The following DUSP22 variants were observed in gnomAD, a reference collection of about 807,000 sequenced individuals.
DUSP22 encodes the protein dual specificity phosphatase 22.
A neutral mutation model predicts 24.5 loss-of-function variants in DUSP22; 24 were observed. The ratio of observed to expected loss-of-function variants is 0.98; its 90% CI spans 0.71 to 1.38. The LOEUF is 1.38. DUSP22 is among the 40% of genes most tolerant of loss of function. DUSP22 has a pLI of 0.00. For missense variants in DUSP22, 330 were observed against 269.2 expected, an observed-to-expected ratio of 1.23 and a Z score of -1.58; for synonymous variants, 160 against 106.4, an observed-to-expected ratio of 1.50 and a Z score of -3.10.
intron 2 of DUSP22, among the ~76,000 whole-genome samples, chr6:308,935 C>T (rs1277314377): frequency 6.6e-6 from 1 of 152,306 alleles, no homozygotes; most frequent in Non-Finnish European, 1.5e-5. Flanking sequence ...CCCGCCTCTA[C>T]TGGGTCCTCG....
At chr6:323,759 G>A (rs1233036775) in intron 3 of DUSP22, among the ~76,000 whole-genome samples, 1 of 152,310 alleles carries the variant, frequency 6.6e-6, no homozygotes, top group African/African-American at 2.4e-5. Context: ...CCTAAGCAGA[G>A]GAGTTCAAGG....
intron 3 of DUSP22, among the ~76,000 whole-genome samples, chr6:318,888 G>A (rs932839675): frequency 7.2e-5 from 11 of 152,306 alleles, no homozygotes; most frequent in Admixed American, 1.3e-4. Flanking sequence ...AAAGGAAGAC[G>A]TCTGTGTGTT....
intron 3 of DUSP22, 57 bp from the exon 4 acceptor site, chr6:335,057 T>C: frequency 6.3e-7 from 1 of 1,576,212 alleles, no homozygotes; most frequent in Non-Finnish European, 8.7e-7. Context: ...TTAAATACTT[T>C]TCTCCACTGA....
chr6:328,657 T>C (rs1759000391), intron 3 of DUSP22, among the ~76,000 whole-genome samples: 3 of 152,302 alleles, frequency 2.0e-5, no homozygotes, highest in Admixed American at 6.5e-5. Flanking sequence ...ATTTAGCTGA[T>C]GCAGGAAGAA....
At chr6:295,430 A>T (rs370422093) in intron 1 of DUSP22, among the ~76,000 whole-genome samples, 17 of 152,272 alleles carry the variant, frequency 1.1e-4, no homozygotes, top group Non-Finnish European at 2.1e-4. Context: ...CAGATTATAC[A>T]GAAGATGGAG....
intron 1 of DUSP22, among the ~76,000 whole-genome samples, 185 bp downstream of exon 1, chr6:292,745 C>T (rs1403613848): frequency 6.6e-6 from 1 of 152,280 alleles, no homozygotes; most frequent in South Asian, 2.1e-4. Context: ...TTCCCGCCCC[C>T]ACCCCACCCG....
chr6:349,116 C>T lies in DUSP22; in HGVS notation c.*165C>T. The T allele has an allele frequency of 2.1e-6, 3 of 1,444,056 alleles. No individual in the cohort carries two copies. Among genetic ancestry groups the T allele is most frequent in the Non-Finnish European group, 1.8e-6 (2 of 1,105,700 alleles). 89.5% of individuals were successfully genotyped at this position (1,444,056 alleles called of 1,614,324 possible). On this transcript the variant is annotated 3_prime_UTR_variant, in exon 7 of 7. Transcript: ENST00000419235. Reference sequence around the variant, plus strand: ...AACACCGCCCAGCCCTGCTCCAGGCCCCTGCACTCCGCCCACCCCTACCCT... The same window carrying T: ...AACACCGCCCAGCCCTGCTCCAGGCTCCTGCACTCCGCCCACCCCTACCCT...
chr6:311,965 A>G lies in DUSP22; in HGVS notation c.138+3A>G. On this transcript the variant is annotated splice_donor_region_variant and intron_variant, in intron 3 of 6. Transcript: ENST00000419235. ...ATAGTGCCAGGCCTATGTTGGAGGT[A>G]AGAGAGCACCGTGGGGCGTGTGTGG... The G allele has an allele frequency of 6.2e-7, 1 of 1,610,552 alleles. No individual in the cohort carries two copies. The highest frequency in any genetic ancestry group is 1.1e-5 in the South Asian group (1 of 90,698).
chr6:302,854 A>G (rs1041665220), intron 1 of DUSP22, among the ~76,000 whole-genome samples: 2 of 152,302 alleles, frequency 1.3e-5, no homozygotes, highest in Non-Finnish European at 2.9e-5. Flanking sequence ...GTGGATGGAA[A>G]GCCAAGGGCA....
At chr6:303,970 G>A (rs1757700788) in intron 1 of DUSP22, among the ~76,000 whole-genome samples, 1 of 152,306 alleles carries the variant, frequency 6.6e-6, no homozygotes, top group Non-Finnish European at 1.5e-5. Context: ...ACAAAGACGT[G>A]TTCTTCTTAA....
intron 5 of DUSP22, among the ~76,000 whole-genome samples, chr6:347,133 C>T (rs1759923423): frequency 6.6e-6 from 1 of 152,298 alleles, no homozygotes; most frequent in Non-Finnish European, 1.5e-5. Flanking sequence ...TCTGGAACTC[C>T]CACTCCTGGG....
intron 2 of DUSP22, among the ~76,000 whole-genome samples, chr6:305,772 C>G (rs1338320147): frequency 6.6e-6 from 1 of 152,308 alleles, no homozygotes; most frequent in Non-Finnish European, 1.5e-5. Flanking sequence ...AGCTTGCAGG[C>G]AGGTCCCCAC....
At chr6:329,041 G>A (rs1303479182) in intron 3 of DUSP22, among the ~76,000 whole-genome samples, 3 of 152,304 alleles carry the variant, frequency 2.0e-5, no homozygotes, top group Non-Finnish European at 2.9e-5. Context: ...CATGTGCCAC[G>A]CACCGAGCTG....
chr6:313,985 A>G, intron 3 of DUSP22, among the ~76,000 whole-genome samples: 1 of 152,308 alleles, frequency 6.6e-6, no homozygotes, highest in East Asian at 1.9e-4. Flanking sequence ...ATCCAGATCC[A>G]TAAGCTGTGT....
chr6:296,763 G>A (rs1300629791), intron 1 of DUSP22, among the ~76,000 whole-genome samples: 1 of 152,288 alleles, frequency 6.6e-6, no homozygotes, highest in African/African-American at 2.4e-5. Flanking sequence ...TGTGCAAGAA[G>A]TCTTTATCTT....
intron 3 of DUSP22, among the ~76,000 whole-genome samples, chr6:327,772 G>A (rs1339220166): frequency 1.3e-5 from 2 of 152,308 alleles, no homozygotes; most frequent in African/African-American, 2.4e-5. Context: ...CACGCAGAAA[G>A]CCTATTCCAG....
chr6:305,799 A>G (rs1757793442), intron 2 of DUSP22, among the ~76,000 whole-genome samples: 1 of 152,308 alleles, frequency 6.6e-6, no homozygotes, highest in African/African-American at 2.4e-5. Context: ...TAGGTTGGAC[A>G]GAGCCAGACC....
chr6:322,837 G>A (rs1046279802), intron 3 of DUSP22, among the ~76,000 whole-genome samples: 4 of 150,116 alleles, frequency 2.7e-5, no homozygotes, highest in Admixed American at 6.6e-5. Context: ...TGGTGGGGCG[G>A]GGGGGGGCCT....
intron 3 of DUSP22, among the ~76,000 whole-genome samples, chr6:320,674 G>A (rs1306629116): frequency 6.6e-6 from 1 of 152,304 alleles, no homozygotes. Flanking sequence ...GGGTGTTGAG[G>A]CAGCCTTATA....
Sources: allele counts gnomAD v4.1 joint callset (sites outside exome capture counted in the v4.1 genomes callset), GRCh38; gene constraint gnomAD v4.1.1; transcripts MANE v1.5; gene names NCBI Gene and HGNC (gene_info 2026-07-23, HGNC 2026-07-21).